MRTFA: variants seen among roughly 807,000 people sequenced by gnomAD.
MRTFA encodes myocardin related transcription factor A.
In MRTFA, 20 loss-of-function variants were observed where a neutral mutation model predicts 83.5. That is an observed-to-expected ratio of 0.24 (90% CI 0.17 to 0.35). The LOEUF (loss-of-function observed/expected upper bound fraction) is 0.35. Among genes scored for constraint, MRTFA ranks in the 10% least tolerant of loss-of-function variants. The pLI, the probability that MRTFA is intolerant of heterozygous loss-of-function variation, is 1.00. For synonymous variants in MRTFA, 659 were observed against 541.2 expected, an observed-to-expected ratio of 1.22 and a Z score of -3.02; for missense variants, 1,200 against 1,224.7, an observed-to-expected ratio of 0.98 and a Z score of 0.30.
At chr22:40,531,067 G>C (rs1012607067) in intron 3 of MRTFA, among the ~76,000 whole-genome samples, 8 of 151,974 alleles carry the variant, frequency 5.3e-5, no homozygotes, top group Non-Finnish European at 1.0e-4. Context: ...TGGTTCCAAA[G>C]GACCAGTAAG....
chr22:40,472,189 T>C (rs2053926894), intron 3 of MRTFA, among the ~76,000 whole-genome samples: 1 of 152,224 alleles, frequency 6.6e-6, no homozygotes, highest in African/African-American at 2.4e-5. Context: ...GGTTTTTAAT[T>C]GGTCTGGAAT....
chr22:40,499,458 T>C (rs757288595), intron 3 of MRTFA, among the ~76,000 whole-genome samples: 2 of 152,016 alleles, frequency 1.3e-5, no homozygotes, highest in Non-Finnish European at 2.9e-5. Flanking sequence ...AACAGAAAAA[T>C]CAAGATAAAA....
At chr22:40,479,990 A>G (rs1037102364) in intron 3 of MRTFA, among the ~76,000 whole-genome samples, 13 of 152,208 alleles carry the variant, frequency 8.5e-5, no homozygotes, top group Non-Finnish European at 7.3e-5. Context: ...AACTTAAGTT[A>G]TTAAAATATG....
intron 2 of MRTFA, among the ~76,000 whole-genome samples, chr22:40,572,721 C>G (rs764796044): frequency 6.6e-6 from 1 of 152,162 alleles, no homozygotes; most frequent in African/African-American, 2.4e-5. Flanking sequence ...CAACGAGAAG[C>G]AAGTCGCGTC....
At chr22:40,545,360 G>A (rs1489256401) in intron 3 of MRTFA, among the ~76,000 whole-genome samples, 1 of 151,944 alleles carries the variant, frequency 6.6e-6, no homozygotes, top group Non-Finnish European at 1.5e-5. Flanking sequence ...TCCAAGTTCT[G>A]TTTAGGAAAT....
chr22:40,421,540 G>A (rs967549240), intron 9 of MRTFA, among the ~76,000 whole-genome samples: 4 of 152,162 alleles, frequency 2.6e-5, no homozygotes, highest in African/African-American at 4.8e-5. Context: ...AGGAACTGTC[G>A]TGTCTACTTG....
At chr22:40,469,027 C>T (rs549795246) in intron 3 of MRTFA, among the ~76,000 whole-genome samples, 1 of 152,278 alleles carries the variant, frequency 6.6e-6, no homozygotes, top group South Asian at 2.1e-4. Flanking sequence ...ACAACTAATA[C>T]TAGAGCATTT....
At chr22:40,551,484 C>CA (rs2055443681) in intron 3 of MRTFA, among the ~76,000 whole-genome samples, 1 of 152,148 alleles carries the variant, frequency 6.6e-6, no homozygotes, top group South Asian at 2.1e-4. Flanking sequence ...CCTCCCACCT[C>CA]AGACTCCCCA....
chr22:40,601,154 T>TA (rs1429703830), intron 1 of MRTFA, among the ~76,000 whole-genome samples: 2 of 152,188 alleles, frequency 1.3e-5, no homozygotes, highest in Non-Finnish European at 2.9e-5. Flanking sequence ...GAGAAGTAGA[T>TA]ATAGCTCTTT....
At chr22:40,535,788 G>C (rs2055161335) in intron 3 of MRTFA, among the ~76,000 whole-genome samples, 1 of 152,158 alleles carries the variant, frequency 6.6e-6, no homozygotes, top group Non-Finnish European at 1.5e-5. Flanking sequence ...GCAGAGGGCT[G>C]GCTGTCTCCC....
chr22:40,568,081 G>T (rs1160218371), intron 2 of MRTFA, among the ~76,000 whole-genome samples: 1 of 152,172 alleles, frequency 6.6e-6, no homozygotes, highest in Non-Finnish European at 1.5e-5. Flanking sequence ...ATTCAAGGTT[G>T]AAATGTGTCT....
chr22:40,411,083 C>CCAGA lies in MRTFA; in HGVS notation c.*303_*306dup, dbSNP rs947876423. 1 of 297,652 alleles carries CCAGA rather than the reference C, an allele frequency of 3.4e-6. No homozygotes were observed. Among genetic ancestry groups the CCAGA allele is most frequent in the Non-Finnish European group, 6.2e-6 (1 of 160,960 alleles). 18.4% of individuals were successfully genotyped at this position (297,652 alleles called of 1,614,324 possible). ...TTCACCTACCTTAGCCAAATTGTAGCCAGACAGACAGTGCCCCCTGACCTC... is the reference window on the plus strand; with the variant it reads ...TTCACCTACCTTAGCCAAATTGTAGCCAGACAGACAGACAGTGCCCCCTGACCTC... On this transcript the variant is annotated 3_prime_UTR_variant, in exon 15 of 15. Coordinates refer to ENST00000355630, the MANE Select transcript of MRTFA (RefSeq NM_020831.6).
At chr22:40,509,982 T>TAAAAAGAAAAAA (rs2054640618) in intron 3 of MRTFA, among the ~76,000 whole-genome samples, 1 of 108,110 alleles carries the variant, frequency 9.2e-6, no homozygotes, top group Non-Finnish European at 1.8e-5. Context: ...CCAAGTACTT[T>TAAAAAGAAAAAA]AAAAAAAAAA....
intron 3 of MRTFA, among the ~76,000 whole-genome samples, chr22:40,536,203 T>A (rs2055169862): frequency 6.6e-6 from 1 of 151,454 alleles, no homozygotes; most frequent in Non-Finnish European, 1.5e-5. Flanking sequence ...CTTGGGAGGT[T>A]GAGGCAGGAG....
At chr22:40,620,124 A>ATTTT (rs35417531) in intron 1 of MRTFA, among the ~76,000 whole-genome samples, 2 of 131,494 alleles carry the variant, frequency 1.5e-5, no homozygotes, top group African/African-American at 5.7e-5. Context: ...CACCCAGCTA[A>ATTTT]TTTTTTTTTT....
chr22:40,515,887 A>G (rs563815373), intron 3 of MRTFA, among the ~76,000 whole-genome samples: 1 of 152,326 alleles, frequency 6.6e-6, no homozygotes, highest in South Asian at 2.1e-4. Flanking sequence ...CTTCCACGCA[A>G]CATCTAGCAC....
At chr22:40,500,624 G>A (rs2054450491) in intron 3 of MRTFA, among the ~76,000 whole-genome samples, 1 of 151,964 alleles carries the variant, frequency 6.6e-6, no homozygotes, top group South Asian at 2.1e-4. Flanking sequence ...TCAAGCATCT[G>A]TTTAACAAAG....
chr22:40,481,835 C>G (rs1228591122), intron 3 of MRTFA, among the ~76,000 whole-genome samples: 1 of 152,018 alleles, frequency 6.6e-6, no homozygotes, highest in African/African-American at 2.4e-5. Flanking sequence ...CCAAGACAGG[C>G]AGATCACAAG....
At chr22:40,452,395 C>G (rs909835792) in intron 4 of MRTFA, among the ~76,000 whole-genome samples, 1 of 152,132 alleles carries the variant, frequency 6.6e-6, no homozygotes, top group South Asian at 2.1e-4. Flanking sequence ...CTACAAGTGA[C>G]GTTATAACCT....
Sources: gnomAD v4.1 joint callset for allele counts (sites outside exome capture counted in the v4.1 genomes callset) on GRCh38, gnomAD v4.1.1 for gene constraint, MANE v1.5 for transcripts, NCBI Gene and HGNC (gene_info 2026-07-23, HGNC 2026-07-21) for gene names.